The following DDX42 variants were observed in gnomAD, a reference collection of about 807,000 sequenced individuals.
DDX42 encodes DEAD-box helicase 42.
A neutral mutation model predicts 101.5 loss-of-function variants in DDX42; 22 were observed. That is an observed-to-expected ratio of 0.22 (90% CI 0.15 to 0.31). The LOEUF (loss-of-function observed/expected upper bound fraction) is 0.31, where lower values mean the gene tolerates loss of function less well. Ranked by LOEUF, DDX42 falls within the 10% of genes least tolerant of loss-of-function variation. The pLI, the probability that DDX42 is intolerant of heterozygous loss-of-function variation, is 1.00. For missense variants in DDX42, 849 were observed against 1,199.9 expected, an observed-to-expected ratio of 0.71 and a Z score of 4.32; for synonymous variants, 402 against 401.2, an observed-to-expected ratio of 1.00 and a Z score of -0.02.
At chr17:63,788,971 T>C (rs951526771) in intron 2 of DDX42, among the ~76,000 whole-genome samples, 1 of 152,024 alleles carries the variant, frequency 6.6e-6, no homozygotes, top group African/African-American at 2.4e-5. Flanking sequence ...CAAGGCTCAC[T>C]GCAGTCTCGA....
Position 63,818,289 on chromosome 17 carries a change from A to G in DDX42, c.2708A>G (p.Lys903Arg), listed in dbSNP as rs375331322. 1.9e-6 allele frequency: 3 copies of G among 1,614,054 alleles called. No individual in the cohort carries two copies. The highest frequency in any genetic ancestry group is 1.3e-5 in the African/African-American group (1 of 74,926). The change falls in exon 18 of 18, where the codon AAA (lysine) becomes AGA (arginine). Residue 903 changes from lysine (K) to arginine (R), a missense_variant. Coordinates refer to ENST00000389924, the MANE Select transcript of DDX42 (RefSeq NM_203499.3). Reference sequence around the variant, plus strand: ...AAGATGGAGCCCAAGATGGAACCCAAAGTGGACAGCAGCAAGATGGACAAG... The same window carrying G: ...AAGATGGAGCCCAAGATGGAACCCAGAGTGGACAGCAGCAAGATGGACAAG... ...ESKMEPKMEPKVDSSKMDKVD... is the reference protein window; with the variant it reads ...ESKMEPKMEPRVDSSKMDKVD...
intron 2 of DDX42, among the ~76,000 whole-genome samples, chr17:63,789,553 GT>G (rs1567732957): frequency 7.0e-5 from 2 of 28,656 alleles, no homozygotes; most frequent in African/African-American, 9.5e-5. Context: ...AGACTTTTTT[GT>G]TTTTGTTTTT....
intron 3 of DDX42, 50 bp from the exon 4 acceptor site, chr17:63,797,988 T>C: frequency 6.5e-7 from 1 of 1,546,782 alleles, no homozygotes; most frequent in Non-Finnish European, 8.8e-7. Flanking sequence ...AAATTGTTTC[T>C]TTCAGTGTTT....
Position 63,795,987 on chromosome 17 carries a change from G to A in DDX42, c.373-2051G>A, listed in dbSNP as rs545330459. Among the ~76,000 whole-genome samples the A allele has an allele frequency of 1.7e-4, 26 of 152,264 alleles. No individual in the cohort carries two copies. In the South Asian group the frequency reaches 5.4e-3, roughly 32 times the overall value. ...AACACCCAGACTATTCAGGGTATAC[G>A]TGTGTCTTGCAGCATAGTAGGTATT... On this transcript the variant is annotated intron_variant, in intron 3 of 17. Transcript: ENST00000389924.
chr17:63,775,290 C>T (rs548459483), intron 1 of DDX42: 1 of 152,512 alleles, frequency 6.6e-6, no homozygotes, highest in African/African-American at 2.4e-5. Context: ...ATGTGCAATT[C>T]GTTCATTCAA....
intron 1 of DDX42, among the ~76,000 whole-genome samples, chr17:63,783,708 A>G (rs1179165493): frequency 1.3e-5 from 2 of 152,148 alleles, no homozygotes; most frequent in Non-Finnish European, 2.9e-5. Flanking sequence ...AAAATGAGTA[A>G]AGACAGTTTC....
At chr17:63,804,411 A>G (rs927097615) in intron 6 of DDX42, among the ~76,000 whole-genome samples, 1 of 152,226 alleles carries the variant, frequency 6.6e-6, no homozygotes, top group Non-Finnish European at 1.5e-5. Context: ...GGAATTGGAA[A>G]TTCTTGGCCA....
intron 1 of DDX42, among the ~76,000 whole-genome samples, chr17:63,777,418 T>C (rs1251741897): frequency 1.3e-5 from 2 of 151,860 alleles, no homozygotes; most frequent in Non-Finnish European, 2.9e-5. Flanking sequence ...GGAAAGGGAG[T>C]TTGAGGAAGG....
In DDX42 at chr17:63,819,227, T is replaced by C. The variant is rs750591028; in HGVS notation, c.*829T>C. ...TCGTTTATAAAAAGGAAAAGAAATA[T>C]ACAAACTTTGACTTTTGTGACTTTG... is the stretch of plus-strand genomic sequence containing the variant. On this transcript the variant is annotated 3_prime_UTR_variant, in exon 18 of 18. Coordinates refer to ENST00000389924, the MANE Select transcript of DDX42 (RefSeq NM_203499.3). 2.6e-5 allele frequency: 4 copies of C among 152,658 alleles called. No individual in the cohort carries two copies. Among genetic ancestry groups the C allele is most frequent in the Admixed American group, 1.3e-4 (2 of 15,280 alleles). The allele number at this position is 152,658 out of a possible 1,614,324, so 9.5% of individuals were successfully genotyped here.
At chr17:63,809,536 C>G in intron 10 of DDX42, 24 bp from the exon 11 acceptor site, 1 of 1,591,234 alleles carries the variant, frequency 6.3e-7, no homozygotes, top group South Asian at 1.1e-5. Context: ...ATTATACTTA[C>G]TGTTCATTTT....
In DDX42 at chr17:63,818,143, T is replaced by C. The variant is rs766172252; in HGVS notation, c.2562T>C (p.Thr854=). The change falls in exon 18 of 18, where the codon ACT becomes ACC. Residue 854 remains threonine (T), a synonymous_variant. Transcript: ENST00000389924. ...YRHPESSSRH[T]DGHRHGENRH... ...ATCCAGAAAGCAGCAGCCGTCATAC[T>C]GATGGCCATCGGCACGGGGAGAACA... is the stretch of plus-strand genomic sequence containing the variant. 3 of 1,613,818 alleles carry C rather than the reference T, an allele frequency of 1.9e-6. No homozygotes were observed. The highest frequency in any genetic ancestry group is 1.3e-5 in the African/African-American group (1 of 74,896).
At chr17:63,780,926 C>CT (rs2039480505) in intron 1 of DDX42, among the ~76,000 whole-genome samples, 1 of 152,138 alleles carries the variant, frequency 6.6e-6, no homozygotes, top group Non-Finnish European at 1.5e-5. Context: ...AATCCTATGA[C>CT]TTTTTTCTGT....
intron 1 of DDX42, among the ~76,000 whole-genome samples, chr17:63,781,332 C>T (rs541724773): frequency 2.0e-5 from 3 of 152,262 alleles, no homozygotes; most frequent in Non-Finnish European, 4.4e-5. Flanking sequence ...TTTCTCCTGC[C>T]TCAGCCTCCT....
At chr17:63,795,844 G>A (rs1019471015) in intron 3 of DDX42, among the ~76,000 whole-genome samples, 1 of 152,114 alleles carries the variant, frequency 6.6e-6, no homozygotes, top group African/African-American at 2.4e-5. Context: ...CACCTAATAG[G>A]TGGCAGAGCC....
rs774025204 is a variant in DDX42, at chr17:63,815,580, A to G, written c.1920A>G (p.Lys640=). ...DLAMQNAWFR[K]SRFKGGKGKK... The stretch of plus-strand genomic sequence containing the variant: ...CAATGCAGAATGCCTGGTTTCGGAA[A>G]TCTCGATTCAAAGGAGGGAAAGGAA... Residue 640 remains lysine (K), a synonymous_variant, in exon 16 of 18, where the codon AAA becomes AAG. Coordinates refer to ENST00000389924, the MANE Select transcript of DDX42 (RefSeq NM_203499.3). The G allele has an allele frequency of 6.2e-7, 1 of 1,613,668 alleles. No homozygotes were observed. The highest frequency in any genetic ancestry group is 2.2e-5 in the East Asian group (1 of 44,862).
At chr17:63,804,553 T>G (rs979720602) in intron 6 of DDX42, among the ~76,000 whole-genome samples, 1 of 152,224 alleles carries the variant, frequency 6.6e-6, no homozygotes, top group African/African-American at 2.4e-5. Context: ...ACAGCTTTAT[T>G]CAAAACATAT....
At chr17:63,782,445 C>T (rs1322768590) in intron 1 of DDX42, among the ~76,000 whole-genome samples, 1 of 152,142 alleles carries the variant, frequency 6.6e-6, no homozygotes, top group Non-Finnish European at 1.5e-5. Flanking sequence ...CTACTCAGCT[C>T]TCTCATAGAT....
chr17:63,795,922 T>C (rs2039687147), intron 3 of DDX42, among the ~76,000 whole-genome samples: 1 of 152,244 alleles, frequency 6.6e-6, no homozygotes. Flanking sequence ...TATAGTGTTG[T>C]GTATTTCTGC....
intron 3 of DDX42, among the ~76,000 whole-genome samples, chr17:63,796,405 G>A (rs1284246206): frequency 6.6e-6 from 1 of 152,122 alleles, no homozygotes; most frequent in African/African-American, 2.4e-5. Context: ...TGCCTCCCGG[G>A]TCCCGGGTTC....
Sources: gnomAD v4.1 joint callset for allele counts (sites outside exome capture counted in the v4.1 genomes callset) on GRCh38, gnomAD v4.1.1 for gene constraint, MANE v1.5 for transcripts, NCBI Gene and HGNC (gene_info 2026-07-23, HGNC 2026-07-21) for gene names.